CDH2: variants seen among roughly 807,000 people sequenced by gnomAD.
CDH2 encodes the protein cadherin 2.
A neutral mutation model predicts 92.0 loss-of-function variants in CDH2; 17 were observed. The observed-to-expected ratio is 0.18, with a 90% CI of 0.13 to 0.28. CDH2 has a LOEUF of 0.28. Ranked by LOEUF, CDH2 falls within the 10% of genes least tolerant of loss-of-function variation. CDH2 has a pLI of 1.00. For synonymous variants in CDH2, 419 were observed against 415.9 expected (o/e 1.01, Z -0.09); for missense variants, 862 against 1,133.1 (o/e 0.76, Z 3.44).
intron 2 of CDH2, among the ~76,000 whole-genome samples, chr18:28,081,247 T>C (rs2014822661): frequency 6.6e-6 from 1 of 152,186 alleles, no homozygotes; most frequent in Admixed American, 6.5e-5. Flanking sequence ...TCACTGCTTT[T>C]TGAAATTGTT....
chr18:28,120,271 A>G (rs886335620), intron 2 of CDH2, among the ~76,000 whole-genome samples: 2 of 151,954 alleles, frequency 1.3e-5, no homozygotes, highest in African/African-American at 2.4e-5. Flanking sequence ...TCATATATAT[A>G]TATTTTGTAT....
At position 28,043,461 on chromosome 18, in the gene CDH2, A is replaced by AATATAT. The variant is rs1158754890; in HGVS notation, c.173-29558_173-29553dup. Among the ~76,000 whole-genome samples, 525 of 71,834 alleles carry AATATAT rather than the reference A, an allele frequency of 7.3e-3. 2 individuals are homozygous for AATATAT. The highest frequency in any genetic ancestry group is 0.011 in the South Asian group (24 of 2,164). 47.1% of individuals were successfully genotyped at this position (71,834 alleles called of 152,430 possible). A position where few individuals can be genotyped will look rare whatever the true frequency, so the allele number is the denominator to read the frequency against. On this transcript the variant is annotated intron_variant, in intron 2 of 15. Coordinates refer to ENST00000269141, the MANE Select transcript of CDH2 (RefSeq NM_001792.5). Reference sequence around the variant, plus strand: ...ACCCTAAAAATTACTGATATAAATAAATATATATATATATATATATATATA... The same window carrying AATATAT: ...ACCCTAAAAATTACTGATATAAATAAATATATATATATATATATATATATATATATA...
chr18:28,041,899 C>T (rs570332332), intron 2 of CDH2, among the ~76,000 whole-genome samples: 1 of 152,146 alleles, frequency 6.6e-6, no homozygotes, highest in East Asian at 1.9e-4. Context: ...ACCCTGATTT[C>T]ATTTAAATAT....
intron 1 of CDH2, among the ~76,000 whole-genome samples, chr18:28,155,051 G>T (rs1250864698): frequency 1.3e-5 from 2 of 152,022 alleles, no homozygotes; most frequent in African/African-American, 4.8e-5. Context: ...ATTATTGTTT[G>T]GGAGATTACC....
chr18:27,996,282 G>A (rs1192904517), intron 7 of CDH2, among the ~76,000 whole-genome samples: 2 of 152,026 alleles, frequency 1.3e-5, no homozygotes, highest in Non-Finnish European at 1.5e-5. Context: ...TACACAGAGT[G>A]AACATTTTGG....
intron 2 of CDH2, among the ~76,000 whole-genome samples, chr18:28,056,283 G>T (rs1172561091): frequency 6.6e-6 from 1 of 152,040 alleles, no homozygotes; most frequent in Non-Finnish European, 1.5e-5. Context: ...TCTAAAAATT[G>T]AACTTTACTA....
At chr18:28,055,025 A>G (rs1382647015) in intron 2 of CDH2, among the ~76,000 whole-genome samples, 1 of 152,192 alleles carries the variant, frequency 6.6e-6, no homozygotes, top group East Asian at 1.9e-4. Context: ...AACTTTTACA[A>G]TGGAGAAGCC....
At chr18:28,112,516 C>A (rs2015429172) in intron 2 of CDH2, among the ~76,000 whole-genome samples, 1 of 152,128 alleles carries the variant, frequency 6.6e-6, no homozygotes, top group East Asian at 1.9e-4. Context: ...AAATTTCACT[C>A]ATAACTTCAA....
At chr18:27,947,753 ATGATG>A (rs1909308237), downstream of CDH2, among the ~76,000 whole-genome samples, 1 of 143,032 alleles carries the variant, frequency 7.0e-6, no homozygotes, top group Non-Finnish European at 1.6e-5. Flanking sequence ...ATAAGTGTAT[ATGATG>A]TAAGTATATG....
chr18:28,015,246 C>T (rs868633681), intron 2 of CDH2, among the ~76,000 whole-genome samples: 2 of 152,100 alleles, frequency 1.3e-5, no homozygotes, highest in South Asian at 2.1e-4. Flanking sequence ...TGATAGAAGT[C>T]ATAAAATACT....
chr18:28,140,751 G>A (rs1208857106), intron 2 of CDH2, among the ~76,000 whole-genome samples: 1 of 150,970 alleles, frequency 6.6e-6, no homozygotes, highest in Non-Finnish European at 1.5e-5. Context: ...CCTGTGAAAT[G>A]GGAGAAAATA....
At chr18:27,962,218 G>C (rs1012356994) in intron 15 of CDH2, among the ~76,000 whole-genome samples, 4 of 152,130 alleles carry the variant, frequency 2.6e-5, no homozygotes, top group Non-Finnish European at 1.5e-5. Context: ...GGAGTTACTG[G>C]CATTCTGTTG....
intron 14 of CDH2, among the ~76,000 whole-genome samples, chr18:27,981,437 GC>G (rs1325317080): frequency 6.6e-6 from 1 of 152,136 alleles, no homozygotes; most frequent in Non-Finnish European, 1.5e-5. Flanking sequence ...ATTCAAAACA[GC>G]TTTACACATG....
intron 2 of CDH2, among the ~76,000 whole-genome samples, chr18:28,131,229 GA>G (rs1264171310): frequency 6.6e-6 from 1 of 151,858 alleles, no homozygotes; most frequent in Non-Finnish European, 1.5e-5. Context: ...ATATCATCTT[GA>G]TTTTTTTTCA....
chr18:28,157,785 A>C (rs2016244008), intron 1 of CDH2, among the ~76,000 whole-genome samples: 1 of 152,178 alleles, frequency 6.6e-6, no homozygotes, highest in Non-Finnish European at 1.5e-5. Context: ...CTATGGAAAA[A>C]ATTAGGAAAA....
chr18:28,043,469 T>A (rs181826323), intron 2 of CDH2, among the ~76,000 whole-genome samples: 5,907 of 65,808 alleles, frequency 0.09, 613 homozygotes, highest in African/African-American at 0.31. Flanking sequence ...TAAATATATA[T>A]ATATATATAT....
chr18:28,079,947 G>C (rs1178482460), intron 2 of CDH2, among the ~76,000 whole-genome samples: 1 of 152,156 alleles, frequency 6.6e-6, no homozygotes, highest in Non-Finnish European at 1.5e-5. Context: ...CATGAGGCCA[G>C]AAAAACACCT....
intron 2 of CDH2, among the ~76,000 whole-genome samples, chr18:28,026,039 T>C (rs979640315): frequency 1.3e-5 from 2 of 152,116 alleles, no homozygotes; most frequent in Admixed American, 6.6e-5. Flanking sequence ...CCAATAAGTA[T>C]TGTGGGCCAG....
intron 6 of CDH2, among the ~76,000 whole-genome samples, chr18:27,936,291 T>C (rs1251527601): frequency 3.3e-5 from 5 of 152,212 alleles, no homozygotes; most frequent in Admixed American, 3.3e-4. Flanking sequence ...CATTGTTATA[T>C]GCTCATTGTA....
Sources: gnomAD v4.1 joint callset for allele counts (sites outside exome capture counted in the v4.1 genomes callset) on GRCh38, gnomAD v4.1.1 for gene constraint, MANE v1.5 for transcripts, NCBI Gene and HGNC (gene_info 2026-07-23, HGNC 2026-07-21) for gene names.